Variants in PRKN observed in about 807,000 individuals in gnomAD.
The protein encoded by PRKN is parkin RBR E3 ubiquitin protein ligase.
A neutral mutation model predicts 59.5 loss-of-function variants in PRKN; 56 were observed. The ratio of observed to expected loss-of-function variants is 0.94; its 90% CI spans 0.76 to 1.18. PRKN has a LOEUF of 1.18. Among genes scored for constraint, PRKN ranks in the 50% most tolerant of loss-of-function variants. The pLI, the probability that PRKN is intolerant of heterozygous loss-of-function variation, is 0.00. For synonymous variants in PRKN, 250 were observed against 222.1 expected, an observed-to-expected ratio of 1.13 and a Z score of -1.12; for missense variants, 657 against 596.4, an observed-to-expected ratio of 1.10 and a Z score of -1.06.
Position 162,443,504 on chromosome 6 carries a change from A to G in PRKN, c.8-31T>C, listed in dbSNP as rs997012777. The G allele has an allele frequency of 4.4e-6, 7 of 1,609,014 alleles. 1 individual carries two copies. The highest frequency in any genetic ancestry group is 2.2e-5 in the East Asian group (1 of 44,822). ...CAAGGAAATTGGAAGGGAGAAGAGA[A>G]AGTGAGCATCACTCGAAGCCCTTAA... On this transcript the variant is annotated intron_variant, in intron 1 of 11. Transcript: ENST00000366898.
At chr6:161,937,239 T>G (rs1046514688) in intron 6 of PRKN, among the ~76,000 whole-genome samples, 2 of 152,268 alleles carry the variant, frequency 1.3e-5, no homozygotes, top group Non-Finnish European at 2.9e-5. Context: ...GTCTGGATCT[T>G]GACAGAGATT....
chr6:162,037,839 C>T lies in PRKN; in HGVS notation c.618+16252G>A, dbSNP rs553469031. Among the ~76,000 whole-genome samples, 8 of 152,192 alleles carry T rather than the reference C, an allele frequency of 5.3e-5. No homozygotes were observed. The South Asian group carries it at 1.7e-3, about 32-fold the overall frequency. On this transcript the variant is annotated intron_variant, in intron 5 of 11. Transcript: ENST00000366898. ...GGATTACAGGCATGAGCCACTACATCCGGCCTTACCCTCCTCTTTAGGTGA... is the reference window on the plus strand; with the variant it reads ...GGATTACAGGCATGAGCCACTACATTCGGCCTTACCCTCCTCTTTAGGTGA...
intron 4 of PRKN, among the ~76,000 whole-genome samples, chr6:162,117,285 G>T (rs191050723): frequency 2.6e-5 from 4 of 152,298 alleles, no homozygotes; most frequent in Non-Finnish European, 5.9e-5. Flanking sequence ...GATTCCAAGT[G>T]GGAGTCATGT....
At chr6:162,433,317 C>T (rs560546384) in intron 2 of PRKN, among the ~76,000 whole-genome samples, 1 of 152,196 alleles carries the variant, frequency 6.6e-6, no homozygotes, top group South Asian at 2.1e-4. Context: ...ATGACTTGTC[C>T]TTCCCAGAGA....
intron 1 of PRKN, among the ~76,000 whole-genome samples, chr6:162,643,594 G>T (rs552036661): frequency 1.4e-4 from 21 of 152,120 alleles, no homozygotes; most frequent in Non-Finnish European, 1.5e-4. Flanking sequence ...AGGGTGAGCT[G>T]TCCTGAAGAC....
At chr6:161,893,458 T>C (rs1015463208) in intron 6 of PRKN, among the ~76,000 whole-genome samples, 16 of 152,274 alleles carry the variant, frequency 1.1e-4, no homozygotes, top group East Asian at 1.9e-4. Context: ...AACAATAATA[T>C]AGTTTAAATA....
chr6:162,246,472 G>A (rs1016785241), intron 3 of PRKN, among the ~76,000 whole-genome samples: 9 of 152,010 alleles, frequency 5.9e-5, no homozygotes, highest in Non-Finnish European at 8.8e-5. Context: ...ATGGAATACC[G>A]GCAAAATTCA....
chr6:162,247,685 T>C (rs980518084), intron 3 of PRKN, among the ~76,000 whole-genome samples: 4 of 152,140 alleles, frequency 2.6e-5, no homozygotes, highest in African/African-American at 9.7e-5. Context: ...TTGTGTGATA[T>C]GACCAGAAAG....
chr6:161,614,914 C>T (rs775137480), intron 7 of PRKN, among the ~76,000 whole-genome samples: 53 of 152,102 alleles, frequency 3.5e-4, no homozygotes, highest in Non-Finnish European at 5.9e-4. Flanking sequence ...TTCCATCCCC[C>T]TTGGCAACAA....
At chr6:161,984,994 G>GT (rs1781383985) in intron 5 of PRKN, among the ~76,000 whole-genome samples, 1 of 152,112 alleles carries the variant, frequency 6.6e-6, no homozygotes, top group South Asian at 2.1e-4. Flanking sequence ...CAGCAACCAT[G>GT]TTTTTTTCTT....
intron 4 of PRKN, among the ~76,000 whole-genome samples, chr6:162,109,671 T>C (rs1303454814): frequency 6.6e-6 from 1 of 152,232 alleles, no homozygotes; most frequent in Admixed American, 6.5e-5. Context: ...CTGCTATTTA[T>C]AGTCTGATAT....
At position 162,392,885 on chromosome 6, in the gene PRKN, T is replaced by C. The variant is rs986359121; in HGVS notation, c.171+50425A>G. On this transcript the variant is annotated intron_variant, in intron 2 of 11. Coordinates refer to ENST00000366898, the MANE Select transcript of PRKN (RefSeq NM_004562.3). Reference sequence around the variant, plus strand: ...TTGAAATGAGTTAAATATACCAACATGGATGTTTGGCTTCAAAGACCAGGA... The same window carrying C: ...TTGAAATGAGTTAAATATACCAACACGGATGTTTGGCTTCAAAGACCAGGA... Among the ~76,000 whole-genome samples, 9 of 152,028 alleles carry C rather than the reference T, an allele frequency of 5.9e-5. 1 individual carries two copies. The highest frequency in any genetic ancestry group is 1.7e-4 in the African/African-American group (7 of 41,316).
At position 162,251,309 on chromosome 6, in the gene PRKN, T is replaced by C. The variant is rs114772275; in HGVS notation, c.412+11216A>G. ...CAGGAAAACACTAGTACATGAAGTG[T>C]TAAAACTGGCTGCTCATCAGAATCA... On this transcript the variant is annotated intron_variant, in intron 3 of 11. Coordinates refer to ENST00000366898, the MANE Select transcript of PRKN (RefSeq NM_004562.3). 8.3e-3 allele frequency among the ~76,000 whole-genome samples: 1,256 copies of C among 152,232 alleles called. 8 individuals are homozygous for C. The highest frequency in any genetic ancestry group is 0.031 in the Middle Eastern group (9 of 294).
chr6:162,404,369 G>GA lies in PRKN; in HGVS notation c.171+38940dup, dbSNP rs1242287906. ...TGGGCGACAGAGTGAGACTCTGTCAGAAAAAAAAAAAAAGAAAGAAAGAAA... is the reference window on the plus strand; with the variant it reads ...TGGGCGACAGAGTGAGACTCTGTCAGAAAAAAAAAAAAAAGAAAGAAAGAAA... On this transcript the variant is annotated intron_variant, in intron 2 of 11. Coordinates refer to ENST00000366898, the MANE Select transcript of PRKN (RefSeq NM_004562.3). Among the ~76,000 whole-genome samples, 366 of 133,736 alleles carry GA rather than the reference G, an allele frequency of 2.7e-3. 1 individual carries two copies. The East Asian group carries it at 0.037, about 14-fold the overall frequency. The allele number at this position is 133,736 out of a possible 152,430, so 87.7% of individuals were successfully genotyped here.
chr6:161,589,652 G>T (rs1330707398), intron 7 of PRKN, among the ~76,000 whole-genome samples: 1 of 151,662 alleles, frequency 6.6e-6, no homozygotes, highest in Non-Finnish European at 1.5e-5. Flanking sequence ...TTCTTTCATG[G>T]AATTGCATAG....
chr6:161,968,187 A>ATTT (rs530441181), intron 6 of PRKN, among the ~76,000 whole-genome samples: 3 of 127,998 alleles, frequency 2.3e-5, no homozygotes, highest in Non-Finnish European at 4.9e-5. Context: ...TGCCTGGCTA[A>ATTT]TTTTTTTTTT....
At chr6:162,539,820 T>C (rs985008997) in intron 1 of PRKN, among the ~76,000 whole-genome samples, 11 of 152,154 alleles carry the variant, frequency 7.2e-5, no homozygotes, top group African/African-American at 2.4e-4. Context: ...TAAAGACACA[T>C]GCAAAAGATG....
chr6:161,870,362 T>A (rs976432440), intron 6 of PRKN, among the ~76,000 whole-genome samples: 1 of 152,126 alleles, frequency 6.6e-6, no homozygotes, highest in Non-Finnish European at 1.5e-5. Context: ...GATGGCTGTG[T>A]TTCAATGTCC....
chr6:161,439,854 A>G (rs1016578118), intron 9 of PRKN, among the ~76,000 whole-genome samples: 4 of 152,126 alleles, frequency 2.6e-5, no homozygotes, highest in Non-Finnish European at 5.9e-5. Flanking sequence ...GGCAGGTACT[A>G]TGAGCTCAGA....
Sources: allele counts gnomAD v4.1 joint callset (sites outside exome capture counted in the v4.1 genomes callset), GRCh38; gene constraint gnomAD v4.1.1; transcripts MANE v1.5; gene names NCBI Gene and HGNC (gene_info 2026-07-23, HGNC 2026-07-21).